INO80D: variants seen among roughly 807,000 people sequenced by gnomAD.
INO80D encodes the protein INO80 complex subunit D.
Under a neutral mutation model 87.6 loss-of-function variants are expected in INO80D, and 21 were observed. The ratio of observed to expected loss-of-function variants is 0.24; its 90% CI spans 0.17 to 0.35. The LOEUF (loss-of-function observed/expected upper bound fraction) is 0.35. INO80D is among the 10% of genes least tolerant of loss of function. The probability of loss-of-function intolerance (pLI) is 1.00; values close to 1 mark genes in which losing one functional copy is unlikely to be tolerated. For synonymous variants in INO80D, 440 were observed against 491.0 expected (o/e 0.90, Z 1.37); for missense variants, 982 against 1,280.7 (o/e 0.77, Z 3.56).
rs1690430864 is a variant in INO80D at position 206,085,538 on chromosome 2, G to A, written c.-124+363C>T. 2 of 150,250 alleles carry A rather than the reference G, an allele frequency of 1.3e-5. No homozygotes were observed. The highest frequency in any genetic ancestry group is 6.6e-5 in the Admixed American group (1 of 15,082). 9.3% of individuals were successfully genotyped at this position (150,250 alleles called of 1,614,324 possible). ...GGGGCGCGCGGAGGCCCGGGGTGCG[G>A]GGGCAGGGCGCGGCTGCCGTGGGGC... On this transcript the variant is annotated intron_variant, in intron 1 of 10. Transcript: ENST00000403263. This position sits in a 1 kb window ranked among gnomAD's most constrained non-coding sequence, Gnocchi z 4.5.
chr2:206,024,992 G>A (rs1688565735), intron 6 of INO80D, among the ~76,000 whole-genome samples: 2 of 151,976 alleles, frequency 1.3e-5, no homozygotes, highest in Admixed American at 1.3e-4. Context: ...CTGACCTCAT[G>A]ATCCGCCCAC....
chr2:206,056,584 T>G lies in INO80D; in HGVS notation c.578A>C (p.His193Pro). ...TGAAGGTGCAGGAGGGGGACTAAAG[T>G]GCTCTTGTCGAACTTTTAAAATCTC... The part of the protein sequence containing the change: ...ETEILKVRQE[H>P]FSPPPAPSQQ... Residue 193 changes from histidine to proline, a missense_variant, in exon 4 of 11, where the codon CAC (histidine) becomes CCC (proline). Transcript: ENST00000403263. The G allele has an allele frequency of 6.2e-7, 1 of 1,611,412 alleles. No individual in the cohort carries two copies. The highest frequency in any genetic ancestry group is 1.1e-5 in the South Asian group (1 of 90,632).
intron 10 of INO80D, among the ~76,000 whole-genome samples, chr2:206,007,060 A>C (rs1308174702): frequency 2.0e-5 from 3 of 152,216 alleles, no homozygotes; most frequent in African/African-American, 7.2e-5. Flanking sequence ...GAAAAAAGAA[A>C]CAAGTTATAA....
chr2:206,009,698 G>T lies in INO80D; in HGVS notation c.1639C>A (p.His547Asn). The part of the protein sequence containing the change: ...KTKPPALTKK[H>N]KKKRRRGPRR... Reference sequence around the variant, plus strand: ...GGTCCACGCCTTCTCTTCTTCTTGTGTTTTTTGGTTAGTGCAGGAGGCTTG... The same window carrying T: ...GGTCCACGCCTTCTCTTCTTCTTGTTTTTTTTGGTTAGTGCAGGAGGCTTG... Residue 547 changes from histidine to asparagine, a missense_variant, in exon 9 of 11, where the codon CAC becomes AAC. By Grantham distance (68) the His-to-Asn change is moderately conservative. Coordinates refer to ENST00000403263, the MANE Select transcript of INO80D (RefSeq NM_017759.5). The T allele has an allele frequency of 6.2e-7, 1 of 1,613,936 alleles. No individual in the cohort carries two copies. The highest frequency in any genetic ancestry group is 8.5e-7 in the Non-Finnish European group (1 of 1,179,870).
chr2:206,030,983 C>T (rs1329880327), intron 5 of INO80D, among the ~76,000 whole-genome samples: 2 of 152,128 alleles, frequency 1.3e-5, no homozygotes, highest in African/African-American at 4.8e-5. Context: ...TGTATAAAGA[C>T]AAGCTTTGTC....
chr2:206,038,192 T>C (rs1177781208), intron 5 of INO80D, among the ~76,000 whole-genome samples: 1 of 152,212 alleles, frequency 6.6e-6, no homozygotes, highest in African/African-American at 2.4e-5. Context: ...ACACAATCTA[T>C]GCATAACAAA....
chr2:206,039,358 T>C (rs1017253558), intron 5 of INO80D, among the ~76,000 whole-genome samples: 116 of 149,692 alleles, frequency 7.7e-4, no homozygotes, highest in African/African-American at 2.8e-3. Flanking sequence ...GATTGCGCCA[T>C]TGTACTCCGG....
chr2:206,017,636 T>C, intron 8 of INO80D, 44 bp downstream of exon 8: 1 of 1,473,352 alleles, frequency 6.8e-7, no homozygotes. Context: ...CTTCCTACAG[T>C]GGATAGCTAC....
intron 8 of INO80D, among the ~76,000 whole-genome samples, chr2:206,015,422 T>G (rs930923632): frequency 6.6e-6 from 1 of 152,160 alleles, no homozygotes; most frequent in Admixed American, 6.5e-5. Context: ...GTACCCTGCA[T>G]TCCAACCACT....
chr2:206,060,389 C>T (rs1689655103), intron 3 of INO80D, among the ~76,000 whole-genome samples: 1 of 151,692 alleles, frequency 6.6e-6, no homozygotes, highest in Admixed American at 6.6e-5. Context: ...AAAAATTAGC[C>T]GAGCGTGGTA....
At chr2:206,039,332 C>T (rs190701827) in intron 5 of INO80D, among the ~76,000 whole-genome samples, 1 of 150,126 alleles carries the variant, frequency 6.7e-6, no homozygotes, top group African/African-American at 2.5e-5. Flanking sequence ...AGGAGGCAGA[C>T]ATTGCGGTGA....
rs1553616188 is a variant in INO80D, at chr2:206,025,542, A to AATATATACAT, written c.1298+2568_1298+2569insATGTATATAT. ...AAACTCCATCTCAAAAAAAAAAAAA[A>AATATATACAT]ATATATATATATATATATATATATA... On this transcript the variant is annotated intron_variant, in intron 6 of 10. Coordinates refer to ENST00000403263, the MANE Select transcript of INO80D (RefSeq NM_017759.5). The AATATATACAT allele has an allele frequency of 6.5e-5, 5 of 76,936 alleles. 1 individual carries two copies. In the Admixed American group the frequency reaches 8.2e-4, roughly 13 times the overall value. 4.8% of individuals were successfully genotyped at this position (76,936 alleles called of 1,614,324 possible).
chr2:206,009,851 C>T, intron 8 of INO80D, 57 bp from the exon 9 acceptor site: 1 of 1,413,654 alleles, frequency 7.1e-7, no homozygotes, highest in Non-Finnish European at 9.7e-7. Context: ...AACCTGACAG[C>T]TACCTAAAAA....
rs571316999 is a variant in INO80D, at chr2:206,037,416, G to A, written c.1074-9081C>T. Among the ~76,000 whole-genome samples the A allele has an allele frequency of 3.3e-5, 5 of 152,182 alleles. No individual in the cohort carries two copies. In the South Asian group the frequency reaches 1.0e-3, roughly 32 times the overall value. On this transcript the variant is annotated intron_variant, in intron 5 of 10. Coordinates refer to ENST00000403263, the MANE Select transcript of INO80D (RefSeq NM_017759.5). ...AATAAAAACAGGAGAATCAGAAAGA[G>A]GCATACATATTAAGAAAAATAATGA... is the stretch of plus-strand genomic sequence containing the variant.
chr2:206,009,556 G>C, intron 9 of INO80D, 21 bp downstream of exon 9: 1 of 1,563,602 alleles, frequency 6.4e-7, no homozygotes, highest in Non-Finnish European at 8.6e-7. Context: ...AGAAAAATTA[G>C]GTGCCAGTGG....
intron 5 of INO80D, among the ~76,000 whole-genome samples, chr2:206,044,661 ACT>A (rs1689148545): frequency 1.3e-5 from 2 of 152,174 alleles, no homozygotes; most frequent in South Asian, 4.1e-4. Flanking sequence ...TATTTTGATA[ACT>A]CTGCAAGAAT....
intron 8 of INO80D, among the ~76,000 whole-genome samples, chr2:206,013,324 T>TGG (rs1290157742): frequency 6.6e-6 from 1 of 151,528 alleles, no homozygotes; most frequent in Non-Finnish European, 1.5e-5. Context: ...GAGGCCAAGG[T>TGG]GGGCGGATCA....
chr2:206,038,195 A>G (rs1200199460), intron 5 of INO80D, among the ~76,000 whole-genome samples: 1 of 152,232 alleles, frequency 6.6e-6, no homozygotes, highest in African/African-American at 2.4e-5. Context: ...CAATCTATGC[A>G]TAACAAAACT....
At chr2:206,075,644 G>A (rs1690095676) in intron 1 of INO80D, among the ~76,000 whole-genome samples, 1 of 151,612 alleles carries the variant, frequency 6.6e-6, no homozygotes, top group Non-Finnish European at 1.5e-5. Flanking sequence ...CACCATGTTG[G>A]CCAGGCTGGT....
Sources: gnomAD v4.1 joint callset for allele counts (sites outside exome capture counted in the v4.1 genomes callset) on GRCh38, gnomAD v4.1.1 for gene constraint, Gnocchi (gnomAD v3.1) non-coding constraint, MANE v1.5 for transcripts, NCBI Gene and HGNC (gene_info 2026-07-23, HGNC 2026-07-21) for gene names.